Variants in PTPRD observed in about 807,000 individuals in gnomAD.
The protein encoded by PTPRD is protein tyrosine phosphatase receptor type D, also known as receptor-type tyrosine-protein phosphatase delta.
In PTPRD, 34 loss-of-function variants were observed where a neutral mutation model predicts 214.5. The ratio of observed to expected loss-of-function variants is 0.16; its 90% CI spans 0.12 to 0.21. The LOEUF is 0.21. Among genes scored for constraint, PTPRD ranks in the 10% least tolerant of loss-of-function variants. The pLI is 1.00. For missense variants in PTPRD, 2,545 were observed against 2,398.7 expected (o/e 1.06, Z -1.27); for synonymous variants, 1,128 against 845.7 (o/e 1.33, Z -5.79).
intron 11 of PTPRD, among the ~76,000 whole-genome samples, chr9:8,884,810 A>G (rs950026623): frequency 2.6e-5 from 4 of 152,172 alleles, no homozygotes; most frequent in African/African-American, 9.7e-5. Context: ...CCATTCATTC[A>G]TTTCACAAGT....
chr9:9,943,305 C>T lies in PTPRD; in HGVS notation c.-471-4695G>A, dbSNP rs563892117. Among the ~76,000 whole-genome samples the T allele has an allele frequency of 2.6e-4, 39 of 152,242 alleles. No individual in the cohort carries two copies. The South Asian group carries it at 7.9e-3, about 31-fold the overall frequency. The stretch of plus-strand genomic sequence containing the variant: ...TGGAGGTTTATTCTAGGCAGTCAGG[C>T]TCTGCTTCATTTTCCCCTGTACAGT... On this transcript the variant is annotated intron_variant, in intron 4 of 45. Transcript: ENST00000381196.
chr9:10,528,789 T>G (rs1032239446), intron 2 of PTPRD, among the ~76,000 whole-genome samples: 2 of 152,172 alleles, frequency 1.3e-5, no homozygotes, highest in Non-Finnish European at 2.9e-5. Context: ...TAACAATTAC[T>G]CCTTTATCCA....
chr9:8,830,876 T>C (rs2097274698), intron 11 of PTPRD, among the ~76,000 whole-genome samples: 1 of 152,150 alleles, frequency 6.6e-6, no homozygotes, highest in Non-Finnish European at 1.5e-5. Flanking sequence ...CTAACAATTC[T>C]CTTCAATTGA....
At chr9:9,759,322 C>G (rs1465996930) in intron 6 of PTPRD, among the ~76,000 whole-genome samples, 1 of 152,030 alleles carries the variant, frequency 6.6e-6, no homozygotes, top group Non-Finnish European at 1.5e-5. Context: ...TGCCGCAAAC[C>G]CCAGCCCCTA....
intron 3 of PTPRD, among the ~76,000 whole-genome samples, chr9:10,325,525 A>G (rs1039713646): frequency 5.3e-5 from 8 of 151,954 alleles, no homozygotes; most frequent in African/African-American, 1.2e-4. Flanking sequence ...AGAAAGTAAT[A>G]ATGAGGAATT....
Position 9,093,668 on chromosome 9 carries a change from G to C in PTPRD, c.-142-74933C>G, listed in dbSNP as rs562425662. 5.4e-3 allele frequency among the ~76,000 whole-genome samples: 815 copies of C among 150,848 alleles called. 7 individuals carry two copies. The highest frequency in any genetic ancestry group is 0.019 in the African/African-American group (770 of 41,128). On this transcript the variant is annotated intron_variant, in intron 10 of 45. Coordinates refer to ENST00000381196, the MANE Select transcript of PTPRD (RefSeq NM_002839.4). ...AAAAACACAACCTGTTAAAATTTGG[G>C]CGGGGGGGCGGATGTAGCTAAACAG...
intron 2 of PTPRD, among the ~76,000 whole-genome samples, chr9:10,458,046 A>G (rs2098931045): frequency 6.6e-6 from 1 of 152,052 alleles, no homozygotes; most frequent in African/African-American, 2.4e-5. Flanking sequence ...AATAAAAGAG[A>G]TTGAAGCATT....
chr9:8,860,178 T>C (rs1566679860), intron 11 of PTPRD: 2 of 152,252 alleles, frequency 1.3e-5, no homozygotes, highest in African/African-American at 4.8e-5. Flanking sequence ...ATTCCTTTGC[T>C]GTTACTTTTG....
At chr9:9,650,861 GAATA>G in intron 7 of PTPRD, among the ~76,000 whole-genome samples, 1 of 151,900 alleles carries the variant, frequency 6.6e-6, no homozygotes, top group East Asian at 1.9e-4. Context: ...TAAATTTATG[GAATA>G]TATATAAATA....
At chr9:10,342,332 A>T (rs2096956610) in intron 2 of PTPRD, among the ~76,000 whole-genome samples, 1 of 152,132 alleles carries the variant, frequency 6.6e-6, no homozygotes, top group Non-Finnish European at 1.5e-5. Flanking sequence ...GAAATTTAAC[A>T]TGTTTGTAAA....
intron 2 of PTPRD, among the ~76,000 whole-genome samples, chr9:10,502,404 T>C (rs537625157): frequency 4.1e-4 from 63 of 152,100 alleles, no homozygotes; most frequent in African/African-American, 1.4e-3. Flanking sequence ...ATCACATAAA[T>C]ATGTTATTAT....
chr9:9,868,647 A>G (rs2064631378), intron 5 of PTPRD, among the ~76,000 whole-genome samples: 1 of 152,060 alleles, frequency 6.6e-6, no homozygotes, highest in African/African-American at 2.4e-5. Flanking sequence ...GTGCAGTGTA[A>G]CAGGGTTTGG....
At chr9:8,695,827 T>G (rs2061236982) in intron 12 of PTPRD, among the ~76,000 whole-genome samples, 1 of 152,226 alleles carries the variant, frequency 6.6e-6, no homozygotes, top group South Asian at 2.1e-4. Context: ...TGTTTTAGCA[T>G]ATCCAGTTTT....
At chr9:8,549,402 T>C (rs1024846981) in intron 14 of PTPRD, among the ~76,000 whole-genome samples, 6 of 152,150 alleles carry the variant, frequency 3.9e-5, no homozygotes, top group Non-Finnish European at 7.3e-5. Context: ...GTTTCTCTCA[T>C]ATGAAAATGA....
At chr9:9,585,744 T>G (rs1277590703) in intron 7 of PTPRD, among the ~76,000 whole-genome samples, 1 of 152,000 alleles carries the variant, frequency 6.6e-6, no homozygotes, top group Non-Finnish European at 1.5e-5. Context: ...TGTGAATACG[T>G]AGGTACTATT....
intron 11 of PTPRD, chr9:8,862,183 C>G (rs1306771032): frequency 6.6e-6 from 1 of 152,110 alleles, no homozygotes; most frequent in Non-Finnish European, 1.5e-5. Flanking sequence ...ATGGTGAAAC[C>G]CGTCTCTACT....
chr9:8,397,936 C>T (rs1052561341), intron 36 of PTPRD, among the ~76,000 whole-genome samples: 1 of 151,964 alleles, frequency 6.6e-6, no homozygotes, highest in Non-Finnish European at 1.5e-5. Flanking sequence ...TTTGAATTTC[C>T]ATTTAAAAGA....
At chr9:10,607,151 G>A (rs1289114007) in intron 2 of PTPRD, among the ~76,000 whole-genome samples, 1 of 151,742 alleles carries the variant, frequency 6.6e-6, no homozygotes, top group African/African-American at 2.4e-5. Context: ...TCTAATGTAA[G>A]TAAATGTATT....
At chr9:10,343,353 A>C (rs2096982646) in intron 2 of PTPRD, among the ~76,000 whole-genome samples, 1 of 152,172 alleles carries the variant, frequency 6.6e-6, no homozygotes, top group Non-Finnish European at 1.5e-5. Context: ...TATATGTGCC[A>C]AATTTTCTTA....
Sources: gnomAD v4.1 joint callset for allele counts (sites outside exome capture counted in the v4.1 genomes callset) on GRCh38, gnomAD v4.1.1 for gene constraint, MANE v1.5 for transcripts, NCBI Gene and HGNC (gene_info 2026-07-23, HGNC 2026-07-21) for gene names.